Variants in UBR4 observed in about 807,000 individuals in gnomAD.
The protein encoded by UBR4 is E3 ubiquitin-protein ligase UBR4.
Under a neutral mutation model 575.6 loss-of-function variants are expected in UBR4, and 124 were observed. That is an observed-to-expected ratio of 0.22 (90% CI 0.19 to 0.25). The LOEUF is 0.25. Ranked by LOEUF, UBR4 falls within the 10% of genes least tolerant of loss-of-function variation. The pLI is 1.00. For missense variants in UBR4, 4,818 were observed against 6,478.8 expected (o/e 0.74, Z 8.80); for synonymous variants, 2,455 against 2,473.7 (o/e 0.99, Z 0.22).
intron 17 of UBR4, among the ~76,000 whole-genome samples, chr1:19,182,453 A>T (rs2151176564): frequency 6.6e-6 from 1 of 152,190 alleles, no homozygotes; most frequent in Admixed American, 6.5e-5. Flanking sequence ...CCTGAGCTCA[A>T]GTGATCCTCT....
chr1:19,152,759 T>C lies in UBR4; in HGVS notation c.6833-283A>G, dbSNP rs937539861. ...TAACTGGGTTATTTAAAATAAACAA[T>C]AGGAGCTACTTCTTTAATGAATGTA... On this transcript the variant is annotated intron_variant, in intron 46 of 105. Transcript: ENST00000375254. The surrounding 1 kb of genome is among the most constrained non-coding windows in gnomAD (Gnocchi z 4.4). Among the ~76,000 whole-genome samples the C allele has an allele frequency of 1.3e-5, 2 of 152,202 alleles. No individual in the cohort carries two copies. Among genetic ancestry groups the C allele is most frequent in the African/African-American group, 4.8e-5 (2 of 41,450 alleles).
chr1:19,093,864 C>T lies in UBR4; in HGVS notation c.13937+85G>A. 6 of 1,445,710 alleles carry T rather than the reference C, an allele frequency of 4.2e-6. No individual in the cohort carries two copies. In the South Asian group the frequency reaches 6.9e-5, roughly 17 times the overall value. The allele number at this position is 1,445,710 out of a possible 1,614,324, so 89.6% of individuals were successfully genotyped here. A position where few individuals can be genotyped will look rare whatever the true frequency, so the allele number is the denominator to read the frequency against. ...AGGACACAAAAATCTAATAGGTATTCAGAGGATTCTTCCTCATCTCACAGA... is the reference window on the plus strand; with the variant it reads ...AGGACACAAAAATCTAATAGGTATTTAGAGGATTCTTCCTCATCTCACAGA... On this transcript the variant is annotated intron_variant, in intron 95 of 105. Transcript: ENST00000375254. This position sits in a 1 kb window ranked among gnomAD's most constrained non-coding sequence, Gnocchi z 4.8.
Position 19,197,137 on chromosome 1 carries a change from T to C in UBR4, c.1018+4A>G, listed in dbSNP as rs766727799. 10 of 1,613,306 alleles carry C rather than the reference T, an allele frequency of 6.2e-6. No homozygotes were observed. Among genetic ancestry groups the C allele is most frequent in the Non-Finnish European group, 7.6e-6 (9 of 1,179,774 alleles). ...AAATGAGACCAGATATAATAACTTC[T>C]CACCTGCATACAGACAACTTAGGCT... On this transcript the variant is annotated splice_donor_region_variant and intron_variant, in intron 8 of 105. Coordinates refer to ENST00000375254, the MANE Select transcript of UBR4 (RefSeq NM_020765.3).
chr1:19,146,910 C>T lies in UBR4; in HGVS notation c.7720G>A (p.Val2574Met). The stretch of plus-strand genomic sequence containing the variant: ...ATGGCAATGGAGCGAGCTGTGATCA[C>T]TAGCCTCTGGAACACCTCAGGGTCC... ...DLDPEVFQRL[V>M]ITARSIAIMR... Residue 2574 changes from valine (V) to methionine (M), a missense_variant, in exon 52 of 106, where the codon GTG (valine) becomes ATG (methionine). Val to Met is a conservative substitution (Grantham distance 21, BLOSUM62 1). Transcript: ENST00000375254. 6.2e-7 allele frequency: 1 copy of T among 1,614,208 alleles called. No homozygotes were observed. The highest frequency in any genetic ancestry group is 8.5e-7 in the Non-Finnish European group (1 of 1,180,018).
At chr1:19,194,458 C>T (rs1208136084) in intron 8 of UBR4, among the ~76,000 whole-genome samples, 1 of 152,102 alleles carries the variant, frequency 6.6e-6, no homozygotes, top group Non-Finnish European at 1.5e-5. Context: ...ACTGCACTCC[C>T]ACCTGGCTGA....
chr1:19,156,053 T>TTGGAG (rs2086406427), intron 42 of UBR4, among the ~76,000 whole-genome samples: 1 of 152,128 alleles, frequency 6.6e-6, no homozygotes, highest in Non-Finnish European at 1.5e-5. Context: ...ATCACCCAGA[T>TTGGAG]TGGAGTGGAG....
chr1:19,080,305 A>G (rs1027490846), intron 103 of UBR4: 1 of 152,234 alleles, frequency 6.6e-6, no homozygotes, highest in African/African-American at 2.4e-5. Context: ...ATGATCTGGT[A>G]CAGGCCAGAT....
intron 60 of UBR4, among the ~76,000 whole-genome samples, chr1:19,136,417 G>T (rs1162757366): frequency 6.6e-6 from 1 of 152,168 alleles, no homozygotes; most frequent in Non-Finnish European, 1.5e-5. Flanking sequence ...ACAGCTATTA[G>T]TTAAATTTCA....
chr1:19,148,878 T>C (rs996864818), intron 49 of UBR4, among the ~76,000 whole-genome samples: 2 of 152,230 alleles, frequency 1.3e-5, no homozygotes, highest in African/African-American at 4.8e-5. Flanking sequence ...ACAGGGCTTT[T>C]CTTCCTCAAA....
intron 3 of UBR4, 48 bp from the exon 4 acceptor site, chr1:19,198,976 C>G (rs764404606): frequency 1.3e-6 from 2 of 1,589,788 alleles, no homozygotes; most frequent in Non-Finnish European, 1.7e-6. Context: ...ACAAATAGAT[C>G]TTTCAGAAAA....
intron 97 of UBR4, 62 bp downstream of exon 97, chr1:19,092,757 G>C (rs75794545): frequency 0.027 from 36,924 of 1,379,250 alleles, 627 homozygotes; most frequent in South Asian, 0.059. Flanking sequence ...ATGTCTCAAG[G>C]TAAACTAGGG....
chr1:19,083,080 T>C (rs1349740964), intron 102 of UBR4, among the ~76,000 whole-genome samples: 1 of 152,104 alleles, frequency 6.6e-6, no homozygotes, highest in Admixed American at 6.5e-5. Flanking sequence ...CAATTACAAA[T>C]GTCTGGCTTG....
At chr1:19,122,065 C>G in intron 66 of UBR4, 53 bp from the exon 67 acceptor site, 1 of 1,573,392 alleles carries the variant, frequency 6.4e-7, no homozygotes, top group Non-Finnish European at 8.7e-7. Flanking sequence ...ATTGCCCAGA[C>G]AAGCACCACA....
rs187901705 is a variant in UBR4, at chr1:19,178,351, G to C, written c.2355-608C>G. ...TCCATTGCCTTTGGCTATTTGGAAA[G>C]AGATTTGTGTTTTAATATTAGGAAA... On this transcript the variant is annotated intron_variant, in intron 18 of 105. Coordinates refer to ENST00000375254, the MANE Select transcript of UBR4 (RefSeq NM_020765.3). Among the ~76,000 whole-genome samples, 600 of 152,308 alleles carry C rather than the reference G, an allele frequency of 3.9e-3. 4 individuals are homozygous for C. The highest frequency in any genetic ancestry group is 0.014 in the Middle Eastern group (4 of 294).
chr1:19,190,687 A>T (rs1250782947), intron 11 of UBR4, among the ~76,000 whole-genome samples: 1 of 152,074 alleles, frequency 6.6e-6, no homozygotes, highest in Non-Finnish European at 1.5e-5. Context: ...TTCACACCCA[A>T]CATACAAGCC....
chr1:19,194,088 T>G (rs1412772686), intron 8 of UBR4, among the ~76,000 whole-genome samples: 3 of 152,248 alleles, frequency 2.0e-5, no homozygotes. Flanking sequence ...ATAGTGAAAC[T>G]ATTTTGTACA....
intron 60 of UBR4, 48 bp from the exon 61 acceptor site, chr1:19,129,122 G>C (rs765848773): frequency 6.6e-7 from 1 of 1,516,602 alleles, no homozygotes; most frequent in South Asian, 1.1e-5. Flanking sequence ...ACTCCAACAG[G>C]ACACAGCTGA....
In UBR4 at chr1:19,093,952, T is replaced by A. The variant is rs1397208047; in HGVS notation, c.13934A>T (p.Asp4645Val). 4 of 1,612,338 alleles carry A rather than the reference T, an allele frequency of 2.5e-6. No individual in the cohort carries two copies. In the Admixed American group the frequency reaches 5.0e-5, roughly 20 times the overall value. The change falls in exon 95 of 106, where the codon GAT (aspartate) becomes GTT (valine). Residue 4645 changes from aspartate to valine, a missense_variant. Transcript: ENST00000375254. This position sits in a 1 kb window ranked among gnomAD's most constrained non-coding sequence, Gnocchi z 4.8. ...VERFKPYCNF[D>V]KYDEDHSGDD... is the part of the protein sequence containing the mutation. ...ATATGAAATCAAAGTAACATACTTA[T>A]CAAAGTTGCAGTATGGTTTGAATCG...
At chr1:19,182,808 G>T (rs1242247952) in intron 17 of UBR4, among the ~76,000 whole-genome samples, 1 of 152,150 alleles carries the variant, frequency 6.6e-6, no homozygotes, top group African/African-American at 2.4e-5. Context: ...CATGAAAAAA[G>T]AGAGAGCTTG....
Sources: gnomAD v4.1 joint callset for allele counts (sites outside exome capture counted in the v4.1 genomes callset) on GRCh38, gnomAD v4.1.1 for gene constraint, Gnocchi (gnomAD v3.1) non-coding constraint, MANE v1.5 for transcripts, NCBI Gene and HGNC (gene_info 2026-07-23, HGNC 2026-07-21) for gene names.